Variants in AWAT2 observed in about 807,000 individuals in gnomAD.
The protein encoded by AWAT2 is 11-cis-RE-synthase.
AWAT2 carries 9 observed loss-of-function variants against 22.3 expected under a neutral mutation model. The observed-to-expected ratio is 0.40, with a 90% CI of 0.24 to 0.70. The LOEUF (loss-of-function observed/expected upper bound fraction) is 0.70. Among genes scored for constraint, AWAT2 ranks in the 30% least tolerant of loss-of-function variants. AWAT2 has a pLI of 0.36. For missense variants in AWAT2, 217 were observed against 265.9 expected, an observed-to-expected ratio of 0.82 and a Z score of 1.28; for synonymous variants, 100 against 93.4, an observed-to-expected ratio of 1.07 and a Z score of -0.40.
At chrX:70,041,720 G>A (rs1040785583) in intron 7 of AWAT2, 53 bp downstream of exon 7, 7 of 992,931 alleles carry the variant, frequency 7.0e-6, no homozygotes, top group South Asian at 2.4e-5. Flanking sequence ...AATCAGGAGC[G>A]GGAGCCTGAT....
chrX:70,049,654 C>G (rs141476840), intron 1 of AWAT2, among the ~76,000 whole-genome samples, 194 bp downstream of exon 1: 2 of 112,156 alleles, frequency 1.8e-5, no homozygotes, highest in African/African-American at 6.5e-5. Flanking sequence ...TGCACACACA[C>G]ATGCCCACAG....
intron 1 of AWAT2, among the ~76,000 whole-genome samples, chrX:70,045,386 T>C (rs534154171): frequency 8.9e-6 from 1 of 111,925 alleles, no homozygotes; most frequent in East Asian, 2.8e-4. Context: ...TAAAATCTAG[T>C]TACCTGCAAG....
chrX:70,044,730 TCTGGGCCCTGCTCCAGCACTGCA>T (rs761999063), intron 1 of AWAT2, among the ~76,000 whole-genome samples: 12 of 112,545 alleles, frequency 1.1e-4, no homozygotes, highest in Non-Finnish European at 2.3e-4. Flanking sequence ...CCCTCTCCTC[TCTGGGCCCTGCTCCAGCACTGCA>T]CTGGGCTCTG....
chrX:70,044,959 A>C (rs960432178), intron 1 of AWAT2, among the ~76,000 whole-genome samples: 1 of 112,739 alleles, frequency 8.9e-6, no homozygotes, highest in Admixed American at 9.3e-5. Flanking sequence ...AGAAAAATAC[A>C]AACCAGAATA....
At chrX:70,049,360 T>A (rs1389158067) in intron 1 of AWAT2, among the ~76,000 whole-genome samples, 1 of 112,239 alleles carries the variant, frequency 8.9e-6, no homozygotes, top group Non-Finnish European at 1.9e-5. Flanking sequence ...GTTTGTAGTG[T>A]AAGCGTTGGA....
At position 70,043,463 on chromosome X, in the gene AWAT2, T is replaced by C. The variant is rs1168395073; in HGVS notation, c.472+15A>G. On this transcript the variant is annotated intron_variant, in intron 4 of 7. Coordinates refer to ENST00000276101, the MANE Select transcript of AWAT2 (RefSeq NM_001002254.1). The stretch of plus-strand genomic sequence containing the variant: ...CCATTTTTTCTTTGGCTTTGTGTCC[T>C]AGGAGCCAACTTACCTGTAGACATT... 1.7e-6 allele frequency: 2 copies of C among 1,198,613 alleles called. No homozygotes were observed. The highest frequency in any genetic ancestry group is 2.2e-5 in the Admixed American group (1 of 45,222).
Position 70,043,321 on chromosome X carries a change from G to C in AWAT2, c.473-78C>G, listed in dbSNP as rs1416902159. 3.8e-6 allele frequency: 4 copies of C among 1,064,672 alleles called. No homozygotes were observed. In the South Asian group the frequency reaches 6.6e-5, roughly 18 times the overall value. 87.7% of individuals were successfully genotyped at this position (1,064,672 alleles called of 1,213,427 possible). On this transcript the variant is annotated intron_variant, in intron 4 of 7. Transcript: ENST00000276101. ...TTTCCTTTCTACTGCTTCAAAGGAG[G>C]GGGAGTGCAAGGAGCCTAACATCAG... is the stretch of plus-strand genomic sequence containing the variant.
intron 1 of AWAT2, among the ~76,000 whole-genome samples, chrX:70,049,109 G>A (rs765249299): frequency 2.2e-4 from 25 of 111,965 alleles, no homozygotes; most frequent in African/African-American, 8.1e-4. Context: ...GGTGAGGTAA[G>A]GAATGCCCAC....
At chrX:70,047,151 T>G (rs967980683) in intron 1 of AWAT2, among the ~76,000 whole-genome samples, 2 of 112,213 alleles carry the variant, frequency 1.8e-5, no homozygotes, top group Non-Finnish European at 3.8e-5. Context: ...ATAACAATTT[T>G]GGGAGGATGG....
At chrX:70,044,557 T>A in intron 1 of AWAT2, 95 bp from the exon 2 acceptor site, 1 of 1,119,325 alleles carries the variant, frequency 8.9e-7, no homozygotes. Context: ...TCACGTGCAC[T>A]CTCTCTCACC....
At chrX:70,046,610 G>A (rs1485220144) in intron 1 of AWAT2, among the ~76,000 whole-genome samples, 1 of 110,916 alleles carries the variant, frequency 9.0e-6, no homozygotes, top group Non-Finnish European at 1.9e-5. Context: ...TCACCATGTT[G>A]GCCAGGCTGG....
rs1276023503 is a variant in AWAT2 at position 70,042,092 on chromosome X, C to G, written c.847+95G>C. 6.4e-6 allele frequency: 7 copies of G among 1,087,570 alleles called. No individual in the cohort carries two copies. The African/African-American group carries it at 9.2e-5, about 14-fold the overall frequency. 89.6% of individuals were successfully genotyped at this position (1,087,570 alleles called of 1,213,427 possible). A position where few individuals can be genotyped will look rare whatever the true frequency, so the allele number is the denominator to read the frequency against. On this transcript the variant is annotated intron_variant, in intron 6 of 7. Coordinates refer to ENST00000276101, the MANE Select transcript of AWAT2 (RefSeq NM_001002254.1). ...AAAAGCTGCCACTCATCCCAGCCAG[C>G]CTCCCTGCCTCTGAGCAGAGTCAGA...
At position 70,044,093 on chromosome X, in the gene AWAT2, G is replaced by T. The variant is rs1556120488; in HGVS notation, c.197-97C>A. Reference sequence around the variant, plus strand: ...CCTGCTGTTTCCTGGCCTCTTAAGTGGCAACCAAGGTGGGCATATCAGGGC... The same window carrying T: ...CCTGCTGTTTCCTGGCCTCTTAAGTTGCAACCAAGGTGGGCATATCAGGGC... On this transcript the variant is annotated intron_variant, in intron 2 of 7. Coordinates refer to ENST00000276101, the MANE Select transcript of AWAT2 (RefSeq NM_001002254.1). 1.6e-5 allele frequency: 16 copies of T among 992,709 alleles called. No individual in the cohort carries two copies. In the South Asian group the frequency reaches 3.6e-4, roughly 23 times the overall value. 81.8% of individuals were successfully genotyped at this position (992,709 alleles called of 1,213,427 possible). A position where few individuals can be genotyped will look rare whatever the true frequency, so the allele number is the denominator to read the frequency against.
In AWAT2 at chrX:70,049,816, G is replaced by A. The variant is rs757612942; in HGVS notation, c.85+32C>T. On this transcript the variant is annotated intron_variant, in intron 1 of 7. Coordinates refer to ENST00000276101, the MANE Select transcript of AWAT2 (RefSeq NM_001002254.1). ...CTTCAGTCTCAGGCAAGCCAGGATG[G>A]TTGGTCACCCTACCAAAGGCTGAAG... The A allele has an allele frequency of 9.1e-6, 11 of 1,205,106 alleles. No homozygotes were observed. In the South Asian group the frequency reaches 1.4e-4, roughly 16 times the overall value.
intron 5 of AWAT2, 184 bp downstream of exon 5, chrX:70,042,885 T>C: frequency 2.2e-6 from 1 of 462,808 alleles, no homozygotes. Flanking sequence ...TCTTTTTTTT[T>C]TTTAACTTAT....
chrX:70,044,954 A>T lies in AWAT2; in HGVS notation c.86-492T>A, dbSNP rs2020353177. The stretch of plus-strand genomic sequence containing the variant: ...GCACACCAGATGGCAAACAAAGAAA[A>T]ATACAAACCAGAATAGAATAAGGTA... On this transcript the variant is annotated intron_variant, in intron 1 of 7. Coordinates refer to ENST00000276101, the MANE Select transcript of AWAT2 (RefSeq NM_001002254.1). Among the ~76,000 whole-genome samples, 3 of 112,706 alleles carry T rather than the reference A, an allele frequency of 2.7e-5. No homozygotes were observed. In the Admixed American group the frequency reaches 2.8e-4, roughly 11 times the overall value.
chrX:70,040,795 G>A lies in AWAT2; in HGVS notation c.*863C>T, dbSNP rs1157843438. On this transcript the variant is annotated 3_prime_UTR_variant, in exon 8 of 8. Transcript: ENST00000276101. ...CCACCCAAGAGGGATGGAATGAGAG[G>A]GATGTGAGCCAAATTTTGTAGCCTG... 1 of 112,037 alleles carries A rather than the reference G, an allele frequency of 8.9e-6. No homozygotes were observed. Among genetic ancestry groups the A allele is most frequent in the Non-Finnish European group, 1.9e-5 (1 of 53,209 alleles). 9.2% of individuals were successfully genotyped at this position (112,037 alleles called of 1,213,427 possible).
At chrX:70,049,758 T>G in intron 1 of AWAT2, 90 bp downstream of exon 1, 1 of 1,082,651 alleles carries the variant, frequency 9.2e-7, no homozygotes, top group Non-Finnish European at 1.3e-6. Flanking sequence ...ACAACCCTAG[T>G]TTGACCATTG....
intron 4 of AWAT2, 82 bp from the exon 5 acceptor site, chrX:70,043,325 A>G: frequency 9.6e-7 from 1 of 1,042,083 alleles, no homozygotes; most frequent in Admixed American, 2.8e-5. Context: ...AAGGAGGGGG[A>G]GTGCAAGGAG....
Sources: gnomAD v4.1 joint callset for allele counts (sites outside exome capture counted in the v4.1 genomes callset) on GRCh38, gnomAD v4.1.1 for gene constraint, MANE v1.5 for transcripts, NCBI Gene and HGNC (gene_info 2026-07-23, HGNC 2026-07-21) for gene names.